Variants in STK33 observed in about 807,000 individuals in gnomAD.
The protein encoded by STK33 is serine/threonine-protein kinase 33.
In STK33, 52 loss-of-function variants were observed where a neutral mutation model predicts 58.0. The ratio of observed to expected loss-of-function variants is 0.90; its 90% CI spans 0.72 to 1.13. The LOEUF (loss-of-function observed/expected upper bound fraction) is 1.13. Ranked by LOEUF, STK33 falls within the 50% of genes most tolerant of loss-of-function variation. The pLI, the probability that STK33 is intolerant of heterozygous loss-of-function variation, is 0.00. For synonymous variants in STK33, 215 were observed against 200.1 expected (o/e 1.07, Z -0.63); for missense variants, 630 against 604.2 (o/e 1.04, Z -0.45).
chr11:8,516,698 C>T (rs1301814462), intron 1 of STK33, among the ~76,000 whole-genome samples: 2 of 152,246 alleles, frequency 1.3e-5, no homozygotes, highest in Admixed American at 1.3e-4. Flanking sequence ...CCGTGCCTGG[C>T]TTGGCGGGTC....
intron 1 of STK33, among the ~76,000 whole-genome samples, chr11:8,501,321 A>G (rs1259650013): frequency 6.6e-6 from 1 of 152,166 alleles, no homozygotes; most frequent in Non-Finnish European, 1.5e-5. Flanking sequence ...AAGAACATGT[A>G]AAGAATTCTT....
intron 14 of STK33, among the ~76,000 whole-genome samples, chr11:8,422,070 G>C (rs115663810): frequency 0.018 from 2,773 of 152,132 alleles, 90 homozygotes; most frequent in African/African-American, 0.062. Flanking sequence ...TGACTTTCTT[G>C]ACTATTCTCT....
chr11:8,523,741 G>A (rs879431748), intron 1 of STK33, among the ~76,000 whole-genome samples: 68 of 151,908 alleles, frequency 4.5e-4, no homozygotes, highest in Middle Eastern at 3.4e-3. Flanking sequence ...TCTGGGAGGT[G>A]GGGGGCGCCT....
chr11:8,386,287 T>TA, the STK33 span, among the ~76,000 whole-genome samples: 2 of 152,280 alleles, frequency 1.3e-5, no homozygotes, highest in South Asian at 4.1e-4. Flanking sequence ...GGGACTGCTA[T>TA]AAAAAAGTTG....
chr11:8,460,918 C>T (rs1279158996), intron 8 of STK33, among the ~76,000 whole-genome samples: 5 of 152,152 alleles, frequency 3.3e-5, no homozygotes, highest in African/African-American at 1.2e-4. Flanking sequence ...GCATAAGGCA[C>T]AACCCAAATT....
intron 8 of STK33, among the ~76,000 whole-genome samples, chr11:8,457,734 A>G (rs1421153993): frequency 6.6e-6 from 1 of 152,234 alleles, no homozygotes; most frequent in East Asian, 1.9e-4. Context: ...CAAATGCCAT[A>G]GAGTTACAGA....
intron 5 of STK33, 147 bp from the exon 6 acceptor site, chr11:8,473,423 C>A: frequency 1.7e-6 from 1 of 600,140 alleles, no homozygotes; most frequent in Admixed American, 3.0e-5. Flanking sequence ...TTTTCAAATT[C>A]TAAGCCCTAT....
chr11:8,391,503 T>C (rs1564829879), downstream of STK33, among the ~76,000 whole-genome samples: 1 of 152,188 alleles, frequency 6.6e-6, no homozygotes, highest in Non-Finnish European at 1.5e-5. Context: ...ATGCAACTAG[T>C]ATATGCTCAG....
the STK33 span, among the ~76,000 whole-genome samples, chr11:8,335,956 CAG>C: frequency 6.6e-6 from 1 of 152,184 alleles, no homozygotes; most frequent in Admixed American, 6.5e-5. Flanking sequence ...GCTGGGTCTA[CAG>C]AGGAGAATGC....
At chr11:8,566,872 T>C (rs1957483007) in intron 1 of STK33, among the ~76,000 whole-genome samples, 1 of 152,154 alleles carries the variant, frequency 6.6e-6, no homozygotes, top group Non-Finnish European at 1.5e-5. Context: ...ATGACATTGT[T>C]AAAATAATGT....
At chr11:8,591,754 A>G (rs1234149425) in intron 1 of STK33, among the ~76,000 whole-genome samples, 1 of 146,838 alleles carries the variant, frequency 6.8e-6, no homozygotes, top group African/African-American at 2.5e-5. Context: ...CAAACACTGC[A>G]TATTCTCACT....
the STK33 span, among the ~76,000 whole-genome samples, chr11:8,339,826 C>A: frequency 6.6e-6 from 1 of 152,228 alleles, no homozygotes; most frequent in Non-Finnish European, 1.5e-5. Context: ...AACCTCTTCC[C>A]GGGTCTCCTT....
intron 14 of STK33, among the ~76,000 whole-genome samples, chr11:8,421,538 C>T (rs74053215): frequency 0.029 from 4,482 of 152,242 alleles, 219 homozygotes; most frequent in African/African-American, 0.1. Flanking sequence ...TCTTAATATC[C>T]GGTAGAGCAA....
At chr11:8,439,011 T>C (rs1944404282) in intron 12 of STK33, among the ~76,000 whole-genome samples, 1 of 152,174 alleles carries the variant, frequency 6.6e-6, no homozygotes, top group Non-Finnish European at 1.5e-5. Flanking sequence ...ACTGTGAAAA[T>C]GTAACTACTG....
intron 1 of STK33, among the ~76,000 whole-genome samples, chr11:8,510,181 T>C (rs1952196580): frequency 6.6e-6 from 1 of 152,200 alleles, no homozygotes; most frequent in Non-Finnish European, 1.5e-5. Context: ...TTTTTGGCTT[T>C]TTAATTATGG....
intron 1 of STK33, among the ~76,000 whole-genome samples, chr11:8,581,545 A>G (rs1195464746): frequency 6.6e-6 from 1 of 152,204 alleles, no homozygotes; most frequent in African/African-American, 2.4e-5. Flanking sequence ...GCTAAGACTC[A>G]TCCCAGAAAA....
chr11:8,396,427 T>A (rs903832910), intron 15 of STK33, among the ~76,000 whole-genome samples: 1 of 152,232 alleles, frequency 6.6e-6, no homozygotes, highest in African/African-American at 2.4e-5. Flanking sequence ...TCCAGTTGCA[T>A]GAAGTTTAGG....
intron 14 of STK33, among the ~76,000 whole-genome samples, chr11:8,425,718 T>C (rs774645221): frequency 7.2e-5 from 11 of 152,206 alleles, no homozygotes; most frequent in African/African-American, 2.7e-4. Context: ...AATATACCTT[T>C]AAACAGGTAT....
At chr11:8,586,759 G>C (rs1406058425) in intron 1 of STK33, among the ~76,000 whole-genome samples, 2 of 149,402 alleles carry the variant, frequency 1.3e-5, no homozygotes, top group African/African-American at 4.9e-5. Context: ...GGGAGGTGGA[G>C]GTTGCAGTGA....
Sources: allele counts gnomAD v4.1 joint callset (sites outside exome capture counted in the v4.1 genomes callset), GRCh38; gene constraint gnomAD v4.1.1; transcripts MANE v1.5; gene names NCBI Gene and HGNC (gene_info 2026-07-23, HGNC 2026-07-21).